The following DMP1 variants were observed in gnomAD, a reference collection of about 807,000 sequenced individuals.
The protein encoded by DMP1 is dentin matrix protein 1.
DMP1 carries 20 observed loss-of-function variants against 14.6 expected under a neutral mutation model. The ratio of observed to expected loss-of-function variants is 1.37; its 90% CI spans 0.96 to 1.99. The LOEUF (loss-of-function observed/expected upper bound fraction) is 1.99. Ranked by LOEUF, DMP1 falls within the 30% of genes most tolerant of loss-of-function variation. DMP1 has a pLI of 0.00. For synonymous variants in DMP1, 197 were observed against 215.3 expected, an observed-to-expected ratio of 0.91 and a Z score of 0.75; for missense variants, 567 against 620.5, an observed-to-expected ratio of 0.91 and a Z score of 0.92.
At chr4:87,651,725 TA>T (rs1357498983) in intron 1 of DMP1, among the ~76,000 whole-genome samples, 1 of 152,122 alleles carries the variant, frequency 6.6e-6, no homozygotes, top group Non-Finnish European at 1.5e-5. Context: ...TGCATGTTCA[TA>T]AATATTTACT....
rs886059686 is a variant in DMP1, at chr4:87,662,148, A to C, written c.370A>C (p.Lys124Gln). 22 of 1,614,128 alleles carry C rather than the reference A, an allele frequency of 1.4e-5. No individual in the cohort carries two copies. Among genetic ancestry groups the C allele is most frequent in the Non-Finnish European group, 1.9e-5 (22 of 1,180,048 alleles). Reference sequence around the variant, plus strand: ...TGACGATGACAGTGGCCCAGGGCCCAAAGACAGACAAGAAGGAGGAAACTC... The same window carrying C: ...TGACGATGACAGTGGCCCAGGGCCCCAAGACAGACAAGAAGGAGGAAACTC... ...FGDDDSGPGP[K>Q]DRQEGGNSRL... Residue 124 changes from lysine to glutamine, a missense_variant, in exon 6 of 6, where the codon AAA becomes CAA. Physicochemically the swap from Lys to Gln is moderately conservative, Grantham distance 53. Transcript: ENST00000339673.
In DMP1 at chr4:87,662,296, G is replaced by A. The variant is rs747698893; in HGVS notation, c.518G>A (p.Arg173Gln). 2.6e-5 allele frequency: 42 copies of A among 1,613,932 alleles called. No homozygotes were observed. Among genetic ancestry groups the A allele is most frequent in the East Asian group, 1.3e-4 (6 of 44,860 alleles). ...AGCAGGGAACTTGACAATGAGGACCGGGTGGACAGCAAGCCTGAGGGAGGT... is the reference window on the plus strand; with the variant it reads ...AGCAGGGAACTTGACAATGAGGACCAGGTGGACAGCAAGCCTGAGGGAGGT... ...SESRELDNEDRVDSKPEGGDS... is the reference protein window; with the variant it reads ...SESRELDNEDQVDSKPEGGDS... The change falls in exon 6 of 6, where the codon CGG becomes CAG. Residue 173 changes from arginine (R) to glutamine (Q), a missense_variant. By Grantham distance (43) the Arg-to-Gln change is conservative (BLOSUM62 1). Coordinates refer to ENST00000339673, the MANE Select transcript of DMP1 (RefSeq NM_004407.4).
At chr4:87,656,220 T>C (rs1199841931) in intron 1 of DMP1, among the ~76,000 whole-genome samples, 2 of 152,240 alleles carry the variant, frequency 1.3e-5, no homozygotes, top group Non-Finnish European at 2.9e-5. Flanking sequence ...ATCATTCCAA[T>C]GTGGCCTTTT....
At chr4:87,657,225 C>T (rs1169578129) in intron 3 of DMP1, 146 bp downstream of exon 3, 1 of 583,652 alleles carries the variant, frequency 1.7e-6, no homozygotes, top group African/African-American at 1.9e-5. Context: ...GAAGAAAATA[C>T]TGCTGTGATT....
Position 87,663,048 on chromosome 4 carries a change from GA to G in DMP1, c.1271del (p.Asp424ValfsTer58). ...FSEESPESPE[D>X]ENSSSQEGLQ... The stretch of plus-strand genomic sequence containing the variant: ...AGAGGAAAGCCCGGAGTCCCCTGAG[GA>G]TGAGAACAGCTCCAGCCAGGAGGGC... On this transcript the variant is annotated frameshift_variant, in exon 6 of 6. Coordinates refer to ENST00000339673, the MANE Select transcript of DMP1 (RefSeq NM_004407.4). LOFTEE classifies it high-confidence loss of function. 6.2e-7 allele frequency: 1 copy of G among 1,614,166 alleles called. No homozygotes were observed. The highest frequency in any genetic ancestry group is 8.5e-7 in the Non-Finnish European group (1 of 1,180,022).
intron 3 of DMP1, chr4:87,658,931 T>C (rs912222438): frequency 8.9e-6 from 4 of 449,798 alleles, no homozygotes; most frequent in South Asian, 2.6e-5. Flanking sequence ...ACGTTTCCTC[T>C]AGGTTGTATG....
chr4:87,656,978 A>G, intron 2 of DMP1, 54 bp from the exon 3 acceptor site: 1 of 1,093,190 alleles, frequency 9.1e-7, no homozygotes, highest in Non-Finnish European at 1.4e-6. Flanking sequence ...TGTGTTAATA[A>G]CTATTGCTTT....
Position 87,662,871 on chromosome 4 carries a change from G to A in DMP1, c.1093G>A (p.Gly365Arg). The A allele has an allele frequency of 6.2e-7, 1 of 1,614,094 alleles. No individual in the cohort carries two copies. Among genetic ancestry groups the A allele is most frequent in the Non-Finnish European group, 8.5e-7 (1 of 1,180,024 alleles). ...GGAAGAGGTGGTGAGTGAGTCCAGGGGAGATAACCCCGACCCCACAACTAG... is the reference window on the plus strand; with the variant it reads ...GGAAGAGGTGGTGAGTGAGTCCAGGAGAGATAACCCCGACCCCACAACTAG... ...SQEEVVSESR[G>R]DNPDPTTSYV... The change falls in exon 6 of 6, where the codon GGA becomes AGA. Residue 365 changes from glycine to arginine, a missense_variant. By Grantham distance (125) the Gly-to-Arg change is moderately radical. Coordinates refer to ENST00000339673, the MANE Select transcript of DMP1 (RefSeq NM_004407.4).
chr4:87,653,202 G>A (rs944638941), intron 1 of DMP1, among the ~76,000 whole-genome samples: 2 of 151,454 alleles, frequency 1.3e-5, no homozygotes, highest in East Asian at 2.0e-4. Flanking sequence ...GAGAGATAAT[G>A]CCCATAATAT....
chr4:87,656,999 C>T, intron 2 of DMP1, 33 bp from the exon 3 acceptor site: 1 of 1,344,634 alleles, frequency 7.4e-7, no homozygotes, highest in Non-Finnish European at 1.1e-6. Context: ...AGAAATTTCT[C>T]TTTGGATTTA....
At position 87,659,412 on chromosome 4, in the gene DMP1, A is replaced by C. The variant is rs574844552; in HGVS notation, c.136-19A>C. The C allele has an allele frequency of 1.7e-5, 27 of 1,613,840 alleles. No homozygotes were observed. The highest frequency in any genetic ancestry group is 1.9e-5 in the Non-Finnish European group (23 of 1,179,726). ...TAAGGAATTACTAAAAAGAAAAGTA[A>C]ACATTTTTCCCCTTTCAGGAGAGCA... On this transcript the variant is annotated intron_variant, in intron 4 of 5. Transcript: ENST00000339673.
intron 5 of DMP1, among the ~76,000 whole-genome samples, chr4:87,660,950 A>T (rs977922329): frequency 5.3e-5 from 8 of 152,256 alleles, no homozygotes; most frequent in Non-Finnish European, 8.8e-5. Context: ...CAATATTTTT[A>T]AAAACTCTGT....
chr4:87,657,053 G>C lies in DMP1; in HGVS notation c.76G>C (p.Glu26Gln), dbSNP rs1191357776. 2 of 1,559,388 alleles carry C rather than the reference G, an allele frequency of 1.3e-6. No individual in the cohort carries two copies. The highest frequency in any genetic ancestry group is 1.8e-6 in the Non-Finnish European group (2 of 1,130,860). ...CTAGGTAACCAGGTATCAAAATAATGAATCTGAGGATTCTGAAGAATGGAA... is the reference window on the plus strand; with the variant it reads ...CTAGGTAACCAGGTATCAAAATAATCAATCTGAGGATTCTGAAGAATGGAA... ...ALPVTRYQNN[E>Q]SEDSEEWKGH... is the part of the protein sequence containing the mutation. The change falls in exon 3 of 6, where the codon GAA becomes CAA. Residue 26 changes from glutamate to glutamine, a missense_variant. Transcript: ENST00000339673.
chr4:87,658,949 A>G, intron 3 of DMP1: 1 of 495,758 alleles, frequency 2.0e-6, no homozygotes, highest in Non-Finnish European at 3.6e-6. Flanking sequence ...ATGAACGGCC[A>G]GGTTCAAAAA....
intron 1 of DMP1, among the ~76,000 whole-genome samples, chr4:87,652,206 TGAA>T (rs796278153): frequency 9.2e-5 from 14 of 152,284 alleles, no homozygotes; most frequent in African/African-American, 3.4e-4. Context: ...AACCAATCAC[TGAA>T]GAAGAACTCA....
At position 87,658,503 on chromosome 4, in the gene DMP1, G is replaced by A. The variant is rs865954116; in HGVS notation, c.103-717G>A. Among the ~76,000 whole-genome samples, 49 of 152,196 alleles carry A rather than the reference G, an allele frequency of 3.2e-4. 1 individual carries two copies. Among genetic ancestry groups the A allele is most frequent in the Admixed American group, 2.3e-3 (35 of 15,282 alleles). On this transcript the variant is annotated intron_variant, in intron 3 of 5. Transcript: ENST00000339673. ...TAATACCAGGGCTTTTACATGACTCGAGAAGGGTTTCATGGCTTTCTCAAT... is the reference window on the plus strand; with the variant it reads ...TAATACCAGGGCTTTTACATGACTCAAGAAGGGTTTCATGGCTTTCTCAAT...
chr4:87,660,438 G>T (rs549225728), intron 5 of DMP1, among the ~76,000 whole-genome samples: 15 of 152,250 alleles, frequency 9.9e-5, no homozygotes, highest in Middle Eastern at 6.8e-3. Flanking sequence ...CCCATGCTCA[G>T]TTCCACCATA....
chr4:87,653,051 G>A (rs1189504616), intron 1 of DMP1, among the ~76,000 whole-genome samples: 1 of 151,948 alleles, frequency 6.6e-6, no homozygotes, highest in Admixed American at 6.6e-5. Context: ...GTATAGTTAA[G>A]CATTTTCATA....
Position 87,662,631 on chromosome 4 carries a change from A to C in DMP1, c.853A>C (p.Asn285His), listed in dbSNP as rs897755263. The C allele has an allele frequency of 6.2e-7, 1 of 1,614,152 alleles. No homozygotes were observed. The highest frequency in any genetic ancestry group is 8.5e-7 in the Non-Finnish European group (1 of 1,180,014). The part of the protein sequence containing the change: ...EEDDRSELDD[N>H]NTMEEVKSDS... ...AGATGACAGAAGCGAGCTTGATGAC[A>C]ACAACACAATGGAAGAAGTCAAGAG... is the stretch of plus-strand genomic sequence containing the variant. The change falls in exon 6 of 6, where the codon AAC becomes CAC. Residue 285 changes from asparagine (N) to histidine (H), a missense_variant. Coordinates refer to ENST00000339673, the MANE Select transcript of DMP1 (RefSeq NM_004407.4).
Sources: gnomAD v4.1 joint callset for allele counts (sites outside exome capture counted in the v4.1 genomes callset) on GRCh38, gnomAD v4.1.1 for gene constraint, MANE v1.5 for transcripts, NCBI Gene and HGNC (gene_info 2026-07-23, HGNC 2026-07-21) for gene names.